The following ZNHIT6 variants were observed in gnomAD, a reference collection of about 807,000 sequenced individuals.
ZNHIT6 encodes box C/D snoRNA protein 1.
A neutral mutation model predicts 57.2 loss-of-function variants in ZNHIT6; 45 were observed. That is an observed-to-expected ratio of 0.79 (90% CI 0.62 to 1.01). The LOEUF is 1.01. Among genes scored for constraint, ZNHIT6 ranks in the 50% least tolerant of loss-of-function variants. ZNHIT6 has a pLI of 0.00. For synonymous variants in ZNHIT6, 188 were observed against 190.0 expected (o/e 0.99, Z 0.09); for missense variants, 528 against 567.3 (o/e 0.93, Z 0.70).
chr1:85,667,037 A>G (rs1661388618), intron 8 of ZNHIT6, among the ~76,000 whole-genome samples: 2 of 152,326 alleles, frequency 1.3e-5, no homozygotes, highest in African/African-American at 2.4e-5. Flanking sequence ...AAGGTATAAC[A>G]AAGAACTGTG....
intron 5 of ZNHIT6, among the ~76,000 whole-genome samples, chr1:85,695,861 C>G (rs575104823): frequency 3.9e-5 from 6 of 152,306 alleles, no homozygotes; most frequent in African/African-American, 1.4e-4. Context: ...AGGGTGAAAC[C>G]CTGTCTCTAC....
chr1:85,667,714 C>CTTGAGGCCAGCAGT (rs1389210868), intron 8 of ZNHIT6, among the ~76,000 whole-genome samples: 1 of 150,170 alleles, frequency 6.7e-6, no homozygotes, highest in Non-Finnish European at 1.5e-5. Context: ...AGGCAGATCA[C>CTTGAGGCCAGCAGT]TTGAGGCCAG....
chr1:85,653,942 A>C lies in ZNHIT6; in HGVS notation c.*116T>G. 1 of 751,870 alleles carries C rather than the reference A, an allele frequency of 1.3e-6. No homozygotes were observed. 46.6% of individuals were successfully genotyped at this position (751,870 alleles called of 1,614,324 possible). A position where few individuals can be genotyped will look rare whatever the true frequency, so the allele number is the denominator to read the frequency against. On this transcript the variant is annotated 3_prime_UTR_variant, in exon 10 of 10. Transcript: ENST00000370574. ...TAAAAGAGTTAAGCTTATTTTTCAT[A>C]CAAAGAAAAAATTCCAATCACCCAT...
chr1:85,707,654 A>T lies in ZNHIT6; in HGVS notation c.631T>A (p.Cys211Ser). ...EEPPINHPVGCKRKLAMSRCE... is the reference protein window; with the variant it reads ...EEPPINHPVGSKRKLAMSRCE... The stretch of plus-strand genomic sequence containing the variant: ...CTTGACATGGCCAGTTTCCGCTTGC[A>T]GCCCACCGGGTGATTTATCGGAGGC... Residue 211 changes from cysteine to serine, a missense_variant, in exon 1 of 10, where the codon TGC becomes AGC. Physicochemically the swap from Cys to Ser is moderately radical, Grantham distance 112. Transcript: ENST00000370574. The T allele has an allele frequency of 6.4e-7, 1 of 1,554,804 alleles. No individual in the cohort carries two copies. Among genetic ancestry groups the T allele is most frequent in the Non-Finnish European group, 8.7e-7 (1 of 1,155,210 alleles).
chr1:85,688,041 CAAAAAAAA>C (rs756438399), intron 5 of ZNHIT6, among the ~76,000 whole-genome samples: 1 of 58,260 alleles, frequency 1.7e-5, no homozygotes, highest in South Asian at 5.7e-4. Flanking sequence ...GACTCCGTCT[CAAAAAAAA>C]AAAAAAAAGA....
At chr1:85,702,549 A>G (rs1034763797) in intron 4 of ZNHIT6, among the ~76,000 whole-genome samples, 1 of 152,216 alleles carries the variant, frequency 6.6e-6, no homozygotes. Context: ...GTTTCTAACC[A>G]TATGTTCTGT....
intron 6 of ZNHIT6, among the ~76,000 whole-genome samples, chr1:85,680,343 T>C (rs1412560728): frequency 6.6e-6 from 1 of 152,244 alleles, no homozygotes; most frequent in East Asian, 1.9e-4. Flanking sequence ...TGATACACTA[T>C]AATGTTAATA....
At chr1:85,698,031 A>G (rs1458222459) in intron 5 of ZNHIT6, among the ~76,000 whole-genome samples, 3 of 152,194 alleles carry the variant, frequency 2.0e-5, no homozygotes, top group African/African-American at 7.2e-5. Context: ...CTCCAAAATA[A>G]GGAGGAGAGC....
intron 6 of ZNHIT6, among the ~76,000 whole-genome samples, chr1:85,680,300 C>G (rs1661837697): frequency 6.6e-6 from 1 of 152,198 alleles, no homozygotes; most frequent in Non-Finnish European, 1.5e-5. Flanking sequence ...AATGAGTACA[C>G]ATATATACTT....
Position 85,702,232 on chromosome 1 carries a change from C to CT in ZNHIT6, c.943dup (p.Arg315LysfsTer5). On this transcript the variant is annotated frameshift_variant, in exon 5 of 10. Coordinates refer to ENST00000370574, the MANE Select transcript of ZNHIT6 (RefSeq NM_017953.4). LOFTEE classifies it high-confidence loss of function. ...TAGAAGTTTTAAGTTAATACCTTGC[C>CT]TCCGGGCACGATTTTTCATAAAGTA... 6.2e-7 allele frequency: 1 copy of CT among 1,605,164 alleles called. No homozygotes were observed. The highest frequency in any genetic ancestry group is 1.1e-5 in the South Asian group (1 of 88,792).
At position 85,704,515 on chromosome 1, in the gene ZNHIT6, G is replaced by A. The variant is rs537480041; in HGVS notation, c.915+1563C>T. ...CAGTAATGTTCTAATTCTAGATTGG[G>A]GTGGTAGTTAAATGAATATTCATTT... On this transcript the variant is annotated intron_variant, in intron 4 of 9. Coordinates refer to ENST00000370574, the MANE Select transcript of ZNHIT6 (RefSeq NM_017953.4). Among the ~76,000 whole-genome samples, 99 of 152,016 alleles carry A rather than the reference G, an allele frequency of 6.5e-4. 1 individual carries two copies. Among genetic ancestry groups the A allele is most frequent in the African/African-American group, 2.3e-3 (94 of 41,486 alleles).
intron 5 of ZNHIT6, among the ~76,000 whole-genome samples, chr1:85,690,677 T>G (rs1424235530): frequency 1.3e-5 from 2 of 152,166 alleles, no homozygotes; most frequent in South Asian, 2.1e-4. Flanking sequence ...GGCACACAGA[T>G]CAGTGGTTTT....
chr1:85,702,041 TAACA>T (rs746444726), intron 5 of ZNHIT6, 112 bp downstream of exon 5: 3 of 669,018 alleles, frequency 4.5e-6, no homozygotes, highest in South Asian at 2.1e-5. Context: ...CATGGACCAA[TAACA>T]AACAGTTTAC....
chr1:85,670,910 C>A (rs551996283), intron 8 of ZNHIT6, among the ~76,000 whole-genome samples: 3 of 152,146 alleles, frequency 2.0e-5, no homozygotes, highest in Non-Finnish European at 4.4e-5. Flanking sequence ...ATAGAAAATG[C>A]GTACCAACAT....
chr1:85,686,199 G>C (rs1278859895), intron 5 of ZNHIT6, among the ~76,000 whole-genome samples: 3 of 151,808 alleles, frequency 2.0e-5, no homozygotes, highest in African/African-American at 4.8e-5. Context: ...CTGACCTTAT[G>C]ATACGCCCGC....
At chr1:85,668,885 AC>A (rs1418666641) in intron 8 of ZNHIT6, among the ~76,000 whole-genome samples, 8 of 152,162 alleles carry the variant, frequency 5.3e-5, no homozygotes, top group Non-Finnish European at 1.2e-4. Context: ...TTGTGTGGGA[AC>A]CAAAAATGTC....
chr1:85,705,877 C>T (rs184246064), intron 4 of ZNHIT6, among the ~76,000 whole-genome samples: 8 of 152,132 alleles, frequency 5.3e-5, no homozygotes, highest in African/African-American at 1.7e-4. Flanking sequence ...ACATTTGTTC[C>T]TCTACTTATC....
chr1:85,650,305 C>G lies in ZNHIT6; in HGVS notation c.*3753G>C, dbSNP rs149671642. The G allele has an allele frequency of 4.3e-4, 66 of 152,316 alleles. 1 individual carries two copies. The highest frequency in any genetic ancestry group is 1.5e-3 in the African/African-American group (63 of 41,556). The allele number at this position is 152,316 out of a possible 1,614,324, so 9.4% of individuals were successfully genotyped here. On this transcript the variant is annotated 3_prime_UTR_variant, in exon 10 of 10. Coordinates refer to ENST00000370574, the MANE Select transcript of ZNHIT6 (RefSeq NM_017953.4). The stretch of plus-strand genomic sequence containing the variant: ...TCACCTCACTGTTCCTCATCCCATA[C>G]AGAATATCCCCAAAGGGAAAATCTG...
rs186024911 is a variant in ZNHIT6 at position 85,665,484 on chromosome 1, T to C, written c.1248-7513A>G. Reference sequence around the variant, plus strand: ...TGAAATAATATCATAATCAAGCTAATTAACATATCCATCACCTTACATAGC... The same window carrying C: ...TGAAATAATATCATAATCAAGCTAACTAACATATCCATCACCTTACATAGC... On this transcript the variant is annotated intron_variant, in intron 8 of 9. Transcript: ENST00000370574. Among the ~76,000 whole-genome samples, 758 of 152,212 alleles carry C rather than the reference T, an allele frequency of 5.0e-3. 7 individuals are homozygous for C. The highest frequency in any genetic ancestry group is 0.018 in the African/African-American group (729 of 41,522).
Sources: allele counts gnomAD v4.1 joint callset (sites outside exome capture counted in the v4.1 genomes callset), GRCh38; gene constraint gnomAD v4.1.1; transcripts MANE v1.5; gene names NCBI Gene and HGNC (gene_info 2026-07-23, HGNC 2026-07-21).